The following PAK3 variants were observed in gnomAD, a reference collection of about 807,000 sequenced individuals.
PAK3 encodes serine/threonine-protein kinase PAK 3.
PAK3 carries 4 observed loss-of-function variants against 41.0 expected under a neutral mutation model. The observed-to-expected ratio is 0.10, with a 90% CI of 0.05 to 0.22. PAK3 has a LOEUF of 0.22. Ranked by LOEUF, PAK3 falls within the 10% of genes least tolerant of loss-of-function variation. The probability of loss-of-function intolerance (pLI) is 1.00; values close to 1 mark genes in which losing one functional copy is unlikely to be tolerated. For synonymous variants in PAK3, 146 were observed against 139.6 expected, an observed-to-expected ratio of 1.05 and a Z score of -0.32; for missense variants, 205 against 409.9, an observed-to-expected ratio of 0.50 and a Z score of 4.32.
chrX:111,125,637 G>A (rs1484029975), intron 5 of PAK3, among the ~76,000 whole-genome samples: 1 of 111,568 alleles, frequency 9.0e-6, no homozygotes, highest in Non-Finnish European at 1.9e-5. Flanking sequence ...GAGGTGCTAT[G>A]ATGCCATCAA....
intron 1 of PAK3, among the ~76,000 whole-genome samples, chrX:111,005,341 C>T (rs2091906983): frequency 9.0e-6 from 1 of 111,410 alleles, no homozygotes; most frequent in African/African-American, 3.3e-5. Context: ...CCCCTCAGAC[C>T]CTCCAGGCTT....
At chrX:111,197,240 T>C (rs999614473) in intron 16 of PAK3, among the ~76,000 whole-genome samples, 5 of 112,273 alleles carry the variant, frequency 4.5e-5, no homozygotes, top group African/African-American at 1.6e-4. Flanking sequence ...TCCATGTTGC[T>C]GTAAAGGACA....
At chrX:111,054,960 T>TA (rs1470419440) in intron 1 of PAK3, among the ~76,000 whole-genome samples, 1 of 112,088 alleles carries the variant, frequency 8.9e-6, no homozygotes, top group Non-Finnish European at 1.9e-5. Context: ...GAATATCAAA[T>TA]ATAGGAAAGG....
rs779834671 is a variant in PAK3, at chrX:111,020,666, G to A, written c.-28+76038G>A. Among the ~76,000 whole-genome samples the A allele has an allele frequency of 2.0e-4, 22 of 111,685 alleles. No homozygotes were observed. In the South Asian group the frequency reaches 8.4e-3, roughly 43 times the overall value. On this transcript the variant is annotated intron_variant, in intron 1 of 14. Transcript: ENST00000425146. ...GAGAGAATCCACAGACCCTTTGAAG[G>A]AACTGGATCACCACTGCAGGTTCCC...
At chrX:110,945,034 C>T (rs1245234944) in intron 1 of PAK3, among the ~76,000 whole-genome samples, 1 of 112,379 alleles carries the variant, frequency 8.9e-6, no homozygotes, top group African/African-American at 3.2e-5. Flanking sequence ...AACCAGTCCT[C>T]CTCAGCTTCC....
intron 16 of PAK3, among the ~76,000 whole-genome samples, chrX:111,210,819 C>A (rs61535472): frequency 0.14 from 15,665 of 111,042 alleles, 2,659 homozygotes; most frequent in African/African-American, 0.47. Context: ...ACCAAGAACT[C>A]TCAGAGTTCA....
At chrX:111,068,951 A>C (rs984747021) in intron 1 of PAK3, among the ~76,000 whole-genome samples, 1 of 112,071 alleles carries the variant, frequency 8.9e-6, no homozygotes, top group Non-Finnish European at 1.9e-5. Flanking sequence ...TCAGTCCTGC[A>C]TAGCTGATTT....
intron 10 of PAK3, among the ~76,000 whole-genome samples, chrX:111,168,723 A>C: frequency 8.9e-6 from 1 of 111,820 alleles, no homozygotes; most frequent in Non-Finnish European, 1.9e-5. Flanking sequence ...GAACCCCACC[A>C]TTTGGAATGG....
intron 1 of PAK3, among the ~76,000 whole-genome samples, chrX:110,951,116 C>A (rs989516439): frequency 9.0e-6 from 1 of 111,702 alleles, no homozygotes; most frequent in African/African-American, 3.3e-5. Context: ...ATATCCCTTG[C>A]CTGTTTTTCT....
chrX:111,211,339 C>G (rs530753786), intron 16 of PAK3, among the ~76,000 whole-genome samples: 4 of 111,001 alleles, frequency 3.6e-5, no homozygotes, highest in African/African-American at 1.3e-4. Flanking sequence ...TCCAGTGAAA[C>G]CTTGCTTGGA....
At chrX:111,162,550 G>T (rs1054734909) in intron 8 of PAK3, among the ~76,000 whole-genome samples, 3 of 111,825 alleles carry the variant, frequency 2.7e-5, no homozygotes, top group African/African-American at 9.7e-5. Flanking sequence ...TTGATAATCT[G>T]CCCAGTATAG....
intron 1 of PAK3, among the ~76,000 whole-genome samples, chrX:111,076,850 A>G (rs1746321175): frequency 8.9e-6 from 1 of 111,921 alleles, no homozygotes; most frequent in Non-Finnish European, 1.9e-5. Context: ...AAGAAATAAA[A>G]GGCATCCCAT....
intron 4 of PAK3, among the ~76,000 whole-genome samples, chrX:111,114,417 G>A (rs2093427621): frequency 8.9e-6 from 1 of 112,112 alleles, no homozygotes; most frequent in African/African-American, 3.2e-5. Context: ...TATATTCTCA[G>A]TTACTATCTG....
intron 17 of PAK3, among the ~76,000 whole-genome samples, 172 bp from the exon 18 acceptor site, chrX:111,220,186 A>G (rs375522889): frequency 4.8e-4 from 54 of 112,241 alleles, no homozygotes; most frequent in African/African-American, 1.7e-3. Flanking sequence ...TTTCATGACA[A>G]TGAAGTACAA....
At chrX:111,026,805 A>G (rs903442836) in intron 1 of PAK3, among the ~76,000 whole-genome samples, 2 of 111,671 alleles carry the variant, frequency 1.8e-5, no homozygotes, top group Non-Finnish European at 3.8e-5. Flanking sequence ...ACTAGAAAAA[A>G]TATCCTAAAA....
At chrX:111,196,872 TGG>T (rs2094620462) in intron 16 of PAK3, among the ~76,000 whole-genome samples, 1 of 98,443 alleles carries the variant, frequency 1.0e-5, no homozygotes, top group Non-Finnish European at 2.0e-5. Flanking sequence ...TTTTTTTTTT[TGG>T]AGAAAGAATA....
chrX:111,065,771 TC>T (rs2092697726), intron 1 of PAK3, among the ~76,000 whole-genome samples: 1 of 111,624 alleles, frequency 9.0e-6, no homozygotes, highest in Non-Finnish European at 1.9e-5. Flanking sequence ...CCAATTTTTT[TC>T]CTGACTCAAT....
intron 16 of PAK3, among the ~76,000 whole-genome samples, chrX:111,211,446 G>A (rs1233638787): frequency 9.0e-6 from 1 of 110,568 alleles, no homozygotes; most frequent in Non-Finnish European, 1.9e-5. Context: ...GGGTTGCTGA[G>A]GCAGGTGGAT....
intron 4 of PAK3, among the ~76,000 whole-genome samples, chrX:111,108,506 C>T (rs2093314684): frequency 8.9e-6 from 1 of 112,365 alleles, no homozygotes; most frequent in African/African-American, 3.2e-5. Context: ...GCTCCACTTC[C>T]TGTCAGATCA....
Sources: gnomAD v4.1 joint callset for allele counts (sites outside exome capture counted in the v4.1 genomes callset) on GRCh38, gnomAD v4.1.1 for gene constraint, MANE v1.5 for transcripts, NCBI Gene and HGNC (gene_info 2026-07-23, HGNC 2026-07-21) for gene names.